WDR62: variants seen among roughly 807,000 people sequenced by gnomAD.
The protein encoded by WDR62 is WD repeat-containing protein 62.
In WDR62, 112 loss-of-function variants were observed where a neutral mutation model predicts 160.6. That is an observed-to-expected ratio of 0.70 (90% CI 0.60 to 0.82). WDR62 has a LOEUF of 0.82. Ranked by LOEUF, WDR62 falls within the 40% of genes least tolerant of loss-of-function variation. The probability of loss-of-function intolerance (pLI) is 0.00; values close to 1 mark genes in which losing one functional copy is unlikely to be tolerated. For missense variants in WDR62, 1,819 were observed against 1,983.8 expected (o/e 0.92, Z 1.58); for synonymous variants, 792 against 815.1 (o/e 0.97, Z 0.48).
Position 36,089,034 on chromosome 19 carries a change from C to CT in WDR62, c.1769-3dup, listed in dbSNP as rs1029311745. The CT allele has an allele frequency of 1.2e-6, 2 of 1,613,866 alleles. No individual in the cohort carries two copies. The highest frequency in any genetic ancestry group is 2.7e-5 in the African/African-American group (2 of 74,918). On this transcript the variant is annotated splice_region_variant and splice_polypyrimidine_tract_variant and intron_variant, in intron 13 of 31. Coordinates refer to ENST00000401500, the MANE Select transcript of WDR62 (RefSeq NM_001083961.2). ...GCCTAACACACAGCGTCCTCCTCCC[C>CT]TAGGCAACAGAGACATCCAGATGAT...
chr19:36,090,099 A>G (rs1972499136), intron 15 of WDR62, among the ~76,000 whole-genome samples: 1 of 152,156 alleles, frequency 6.6e-6, no homozygotes, highest in African/African-American at 2.4e-5. Flanking sequence ...TCCTGGAGGA[A>G]GAGACACCTT....
At chr19:36,104,497 A>G (rs770139127) in intron 30 of WDR62, 21 bp from the exon 31 acceptor site, 5 of 1,612,812 alleles carry the variant, frequency 3.1e-6, no homozygotes, top group South Asian at 2.2e-5. Flanking sequence ...CATCTTGCTC[A>G]TTCCCTTCTC....
rs755947499 is a variant in WDR62 at position 36,073,546 on chromosome 19, C to CCT, written c.1233+15_1233+16insCT. The CCT allele has an allele frequency of 6.6e-7, 1 of 1,521,216 alleles. No homozygotes were observed. Among genetic ancestry groups the CCT allele is most frequent in the African/African-American group, 1.4e-5 (1 of 72,732 alleles). 94.2% of individuals were successfully genotyped at this position (1,521,216 alleles called of 1,614,324 possible). On this transcript the variant is annotated intron_variant, in intron 9 of 31. Transcript: ENST00000401500. ...GGAACGTGGAGGTGAGCCCCCCCCC[C>CCT]ACCCCCTTGCCCCTGCTTGGCCTCT...
chr19:36,069,055 G>A (rs1244733954), intron 7 of WDR62, among the ~76,000 whole-genome samples: 3 of 151,496 alleles, frequency 2.0e-5, no homozygotes, highest in African/African-American at 7.3e-5. Flanking sequence ...TCCTGGACGG[G>A]GCGGCTGGCC....
intron 22 of WDR62, among the ~76,000 whole-genome samples, 192 bp downstream of exon 22, chr19:36,099,809 G>T (rs942618420): frequency 5.9e-5 from 9 of 152,228 alleles, no homozygotes; most frequent in African/African-American, 2.2e-4. Flanking sequence ...TGGAAAGTGG[G>T]TCACTTGGGG....
intron 3 of WDR62, among the ~76,000 whole-genome samples, chr19:36,065,215 G>A (rs1970870024): frequency 6.6e-6 from 1 of 152,214 alleles, no homozygotes; most frequent in Non-Finnish European, 1.5e-5. Context: ...AGCCTGGGAA[G>A]CAGGTTGACT....
At chr19:36,059,150 G>A (rs1970518159) in intron 2 of WDR62, 7 of 582,150 alleles carry the variant, frequency 1.2e-5, no homozygotes, top group South Asian at 1.1e-4. Flanking sequence ...ACGCTGTGGT[G>A]TCAGGTAACC....
At chr19:36,082,181 A>G (rs1568345963) in intron 10 of WDR62, among the ~76,000 whole-genome samples, 1 of 152,214 alleles carries the variant, frequency 6.6e-6, no homozygotes, top group South Asian at 2.1e-4. Context: ...GGCACACACA[A>G]TCTAGTGAGG....
intron 1 of WDR62, among the ~76,000 whole-genome samples, chr19:36,057,316 A>AT (rs963758526): frequency 9.9e-5 from 15 of 151,946 alleles, no homozygotes; most frequent in East Asian, 1.9e-4. Context: ...ATATTTATTT[A>AT]TTTTTTTTGT....
Position 36,102,062 on chromosome 19 carries a change from G to A in WDR62, c.3131G>A (p.Ser1044Asn). The A allele has an allele frequency of 1.2e-6, 2 of 1,614,176 alleles. No individual in the cohort carries two copies. Among genetic ancestry groups the A allele is most frequent in the Non-Finnish European group, 1.7e-6 (2 of 1,180,046 alleles). The change falls in exon 26 of 32, where the codon AGC becomes AAC. Residue 1044 changes from serine to asparagine, a missense_variant. Physicochemically the swap from Ser to Asn is conservative, Grantham distance 46. Coordinates refer to ENST00000401500, the MANE Select transcript of WDR62 (RefSeq NM_001083961.2). ...EDELSLPEGP[S>N]VPSSSLPQTP... ...GAGCTGTCCCTGCCCGAGGGACCCAGCGTCCCCAGCAGCTCCCTACCCCAG... is the reference window on the plus strand; with the variant it reads ...GAGCTGTCCCTGCCCGAGGGACCCAACGTCCCCAGCAGCTCCCTACCCCAG...
intron 3 of WDR62, among the ~76,000 whole-genome samples, chr19:36,063,344 G>T (rs567395574): frequency 6.6e-6 from 1 of 152,202 alleles, no homozygotes; most frequent in Non-Finnish European, 1.5e-5. Flanking sequence ...CCACCTCCTG[G>T]GTTCAAGCGA....
intron 24 of WDR62, 131 bp from the exon 25 acceptor site, chr19:36,101,533 T>A: frequency 1.2e-6 from 1 of 823,112 alleles, no homozygotes; most frequent in Non-Finnish European, 2.0e-6. Flanking sequence ...CCCTTATTCA[T>A]AAAATGGGGG....
chr19:36,058,553 C>A (rs1473499319), intron 1 of WDR62, among the ~76,000 whole-genome samples: 2 of 152,234 alleles, frequency 1.3e-5, no homozygotes, highest in Non-Finnish European at 2.9e-5. Flanking sequence ...TGTGAGCCCC[C>A]CGAGGGCAGG....
intron 8 of WDR62, 98 bp downstream of exon 8, chr19:36,071,814 C>A: frequency 7.0e-7 from 1 of 1,420,486 alleles, no homozygotes. Context: ...GTCTGTCCAT[C>A]CCACAAATAC....
chr19:36,091,050 A>T, intron 16 of WDR62, 150 bp from the exon 17 acceptor site: 1 of 712,246 alleles, frequency 1.4e-6, no homozygotes, highest in Non-Finnish European at 2.5e-6. Context: ...GGTGGTTGTT[A>T]ATTTCTTCAC....
In WDR62 at chr19:36,054,924, G is replaced by A; in HGVS notation, c.-48G>A. 6.5e-7 allele frequency: 1 copy of A among 1,548,486 alleles called. No homozygotes were observed. The highest frequency in any genetic ancestry group is 8.7e-7 in the Non-Finnish European group (1 of 1,148,810). Reference sequence around the variant, plus strand: ...TGTTCCAGTGGGTCGTGGCGGTGGCGGCAGCGGCGGTTAGGGGATGTAACG... The same window carrying A: ...TGTTCCAGTGGGTCGTGGCGGTGGCAGCAGCGGCGGTTAGGGGATGTAACG... On this transcript the variant is annotated 5_prime_UTR_variant, in exon 1 of 32. Transcript: ENST00000401500.
At chr19:36,099,324 G>A in intron 21 of WDR62, 75 bp from the exon 22 acceptor site, 1 of 1,256,428 alleles carries the variant, frequency 8.0e-7, no homozygotes, top group Non-Finnish European at 1.1e-6. Context: ...CAGATGGGCT[G>A]TGTGAAATGT....
intron 5 of WDR62, 130 bp downstream of exon 5, chr19:36,066,557 C>A: frequency 1.0e-6 from 1 of 982,748 alleles, no homozygotes. Context: ...AGCTATTGAG[C>A]ACCTGTGACA....
At chr19:36,096,806 T>C (rs1362871750) in intron 20 of WDR62, among the ~76,000 whole-genome samples, 1 of 152,224 alleles carries the variant, frequency 6.6e-6, no homozygotes, top group African/African-American at 2.4e-5. Flanking sequence ...CCCACACTTT[T>C]CCTGCCATCC....
Sources: gnomAD v4.1 joint callset for allele counts (sites outside exome capture counted in the v4.1 genomes callset) on GRCh38, gnomAD v4.1.1 for gene constraint, MANE v1.5 for transcripts, NCBI Gene and HGNC (gene_info 2026-07-23, HGNC 2026-07-21) for gene names.